CADM2: variants seen among roughly 807,000 people sequenced by gnomAD.
CADM2 encodes the protein cell adhesion molecule 2.
In CADM2, 12 loss-of-function variants were observed where a neutral mutation model predicts 49.8. That is an observed-to-expected ratio of 0.24 (90% CI 0.15 to 0.39). The LOEUF is 0.39. Among genes scored for constraint, CADM2 ranks in the 10% least tolerant of loss-of-function variants. The pLI is 1.00. For missense variants in CADM2, 378 were observed against 492.3 expected (o/e 0.77, Z 2.20); for synonymous variants, 214 against 175.4 (o/e 1.22, Z -1.74).
chr3:85,639,557 A>G (rs2064641208), intron 1 of CADM2, among the ~76,000 whole-genome samples: 1 of 152,072 alleles, frequency 6.6e-6, no homozygotes, highest in African/African-American at 2.4e-5. Context: ...ATGGTACCCG[A>G]ATGTATTCCT....
intron 1 of CADM2, among the ~76,000 whole-genome samples, chr3:85,500,411 G>A (rs949490796): frequency 3.9e-5 from 6 of 152,024 alleles, no homozygotes; most frequent in Admixed American, 1.3e-4. Flanking sequence ...ACTTTAATTG[G>A]TAAAGTTTCA....
intron 1 of CADM2, among the ~76,000 whole-genome samples, chr3:85,031,922 A>AT (rs771682934): frequency 1.3e-5 from 2 of 152,024 alleles, no homozygotes; most frequent in African/African-American, 4.8e-5. Flanking sequence ...CAGTATAGGA[A>AT]TTTTTTCATT....
chr3:85,342,336 A>G (rs2029951966), intron 1 of CADM2, among the ~76,000 whole-genome samples: 2 of 152,104 alleles, frequency 1.3e-5, no homozygotes. Flanking sequence ...CTCATAGTGG[A>G]AAAGGCAAAT....
intron 1 of CADM2, among the ~76,000 whole-genome samples, chr3:85,329,059 C>T (rs2044835346): frequency 6.6e-6 from 1 of 151,918 alleles, no homozygotes; most frequent in Non-Finnish European, 1.5e-5. Flanking sequence ...TAAAATGTTA[C>T]AATTTGGACA....
At chr3:85,287,429 C>T (rs1319766865) in intron 1 of CADM2, among the ~76,000 whole-genome samples, 2 of 151,986 alleles carry the variant, frequency 1.3e-5, no homozygotes, top group Non-Finnish European at 2.9e-5. Flanking sequence ...TGCTATATTG[C>T]TCAACTTGCA....
chr3:85,806,960 G>A (rs1559671322), intron 3 of CADM2, among the ~76,000 whole-genome samples: 1 of 151,998 alleles, frequency 6.6e-6, no homozygotes. Flanking sequence ...TTGATAAATG[G>A]AAAAAATAAG....
At chr3:85,705,843 A>C (rs1388321274) in intron 1 of CADM2, among the ~76,000 whole-genome samples, 4 of 152,034 alleles carry the variant, frequency 2.6e-5, no homozygotes, top group African/African-American at 7.2e-5. Context: ...TTACATATGG[A>C]TTTTCCCCCT....
intron 1 of CADM2, among the ~76,000 whole-genome samples, chr3:85,504,760 G>T (rs1445033006): frequency 6.6e-6 from 1 of 152,186 alleles, no homozygotes; most frequent in Non-Finnish European, 1.5e-5. Flanking sequence ...GGCCGCACAG[G>T]AGCCCACGGA....
At chr3:85,848,724 A>T (rs888862126) in intron 3 of CADM2, among the ~76,000 whole-genome samples, 46 of 152,266 alleles carry the variant, frequency 3.0e-4, no homozygotes, top group Admixed American at 1.8e-3. Context: ...TTTTCCCTGA[A>T]CCCGAATTTA....
At chr3:85,719,614 T>C (rs1251813677) in intron 1 of CADM2, among the ~76,000 whole-genome samples, 2 of 152,116 alleles carry the variant, frequency 1.3e-5, no homozygotes, top group Non-Finnish European at 2.9e-5. Flanking sequence ...CATTATAGGA[T>C]CTGAATCCTC....
chr3:85,632,267 C>T (rs2107525087), intron 1 of CADM2, among the ~76,000 whole-genome samples: 1 of 152,226 alleles, frequency 6.6e-6, no homozygotes, highest in South Asian at 2.1e-4. Context: ...TGACTTGCTC[C>T]TCCTTGCCTT....
chr3:85,011,733 T>A (rs2107256412), intron 1 of CADM2, among the ~76,000 whole-genome samples: 1 of 151,982 alleles, frequency 6.6e-6, no homozygotes, highest in East Asian at 2.0e-4. Context: ...TTTTTTTTTT[T>A]AAGTTAGCCA....
intron 3 of CADM2, among the ~76,000 whole-genome samples, chr3:85,826,243 T>A (rs1421635803): frequency 5.9e-5 from 9 of 152,042 alleles, no homozygotes; most frequent in Admixed American, 3.3e-4. Context: ...AATGAGTTAA[T>A]CATGGCATAT....
chr3:86,048,893 C>G (rs1736994081), intron 8 of CADM2, among the ~76,000 whole-genome samples: 1 of 152,078 alleles, frequency 6.6e-6, no homozygotes, highest in African/African-American at 2.4e-5. Context: ...CAACATTTTA[C>G]AGAAAATAAA....
intron 1 of CADM2, among the ~76,000 whole-genome samples, chr3:85,373,436 T>C (rs2033393987): frequency 6.6e-6 from 1 of 152,138 alleles, no homozygotes; most frequent in Admixed American, 6.6e-5. Context: ...ATAGTTCCCC[T>C]CCTGGCTGCT....
At chr3:85,936,917 T>C (rs184097366) in intron 7 of CADM2, among the ~76,000 whole-genome samples, 1 of 151,842 alleles carries the variant, frequency 6.6e-6, no homozygotes, top group Non-Finnish European at 1.5e-5. Context: ...GTTTTTGGTC[T>C]TCTTTCCTTC....
chr3:85,587,994 T>C (rs999608777), intron 1 of CADM2, among the ~76,000 whole-genome samples: 5 of 152,052 alleles, frequency 3.3e-5, no homozygotes, highest in African/African-American at 9.7e-5. Flanking sequence ...TTCCAATTCC[T>C]GGGCTCAAGT....
intron 1 of CADM2, among the ~76,000 whole-genome samples, chr3:85,173,008 T>C (rs966687499): frequency 6.7e-6 from 1 of 148,464 alleles, no homozygotes; most frequent in African/African-American, 2.5e-5. Context: ...TTTTTTTTTT[T>C]TTCTGAGATG....
intron 1 of CADM2, among the ~76,000 whole-genome samples, chr3:85,392,426 C>T (rs1279763740): frequency 6.6e-6 from 1 of 151,920 alleles, no homozygotes; most frequent in Non-Finnish European, 1.5e-5. Flanking sequence ...CTCAAAAATA[C>T]CAATATCTTA....
Sources: gnomAD v4.1 joint callset for allele counts (sites outside exome capture counted in the v4.1 genomes callset) on GRCh38, gnomAD v4.1.1 for gene constraint, MANE v1.5 for transcripts, NCBI Gene and HGNC (gene_info 2026-07-23, HGNC 2026-07-21) for gene names.